TNKS2: variants seen among roughly 807,000 people sequenced by gnomAD.
TNKS2 encodes tankyrase 2, also known as poly [ADP-ribose] polymerase tankyrase-2.
In TNKS2, 72 loss-of-function variants were observed where a neutral mutation model predicts 137.6. The ratio of observed to expected loss-of-function variants is 0.52; its 90% confidence interval spans 0.43 to 0.64. The LOEUF (loss-of-function observed/expected upper bound fraction) is 0.64, where lower values mean the gene tolerates loss of function less well. Ranked by LOEUF, TNKS2 falls within the 30% of genes least tolerant of loss-of-function variation. The pLI is 0.00. For missense variants in TNKS2, 1,049 were observed against 1,410.2 expected (o/e 0.74, Z 4.10); for synonymous variants, 516 against 512.1 (o/e 1.01, Z -0.10).
At chr10:91,808,354 T>A (rs1844396804) in intron 1 of TNKS2, among the ~76,000 whole-genome samples, 1 of 151,850 alleles carries the variant, frequency 6.6e-6, no homozygotes, top group South Asian at 2.1e-4. Context: ...ATATTATAGT[T>A]GGGAAAGGGA....
At chr10:91,841,685 T>C (rs1589680802) in intron 15 of TNKS2, among the ~76,000 whole-genome samples, 1 of 152,106 alleles carries the variant, frequency 6.6e-6, no homozygotes, top group East Asian at 1.9e-4. Context: ...AGTTCTCTTA[T>C]TATTTTTAGT....
intron 1 of TNKS2, among the ~76,000 whole-genome samples, chr10:91,806,226 T>G (rs1458535664): frequency 6.6e-6 from 1 of 152,172 alleles, no homozygotes; most frequent in African/African-American, 2.4e-5. Context: ...AACATTACAT[T>G]TAGGTGGTGA....
At chr10:91,810,152 G>A (rs1844450704) in intron 1 of TNKS2, among the ~76,000 whole-genome samples, 1 of 152,028 alleles carries the variant, frequency 6.6e-6, no homozygotes, top group African/African-American at 2.4e-5. Context: ...GGAGGCTGAG[G>A]ATTACTTGAG....
At position 91,817,161 on chromosome 10, in the gene TNKS2, C is replaced by T. The variant is rs774223942; in HGVS notation, c.452C>T (p.Thr151Ile). 1.5e-5 allele frequency: 24 copies of T among 1,613,692 alleles called. No homozygotes were observed. Among genetic ancestry groups the T allele is most frequent in the East Asian group, 2.2e-5 (1 of 44,870 alleles). The change falls in exon 3 of 27, where the codon ACC becomes ATC. Residue 151 changes from threonine to isoleucine, a missense_variant. Coordinates refer to ENST00000371627, the MANE Select transcript of TNKS2 (RefSeq NM_025235.4). Reference sequence around the variant, plus strand: ...CTGTTACAGCATGGAGCTGAGCCAACCATCCGAAATACAGATGGAAGGACA... The same window carrying T: ...CTGTTACAGCATGGAGCTGAGCCAATCATCCGAAATACAGATGGAAGGACA... The part of the protein sequence containing the change: ...IVLLQHGAEP[T>I]IRNTDGRTAL...
chr10:91,858,020 CTTA>C (rs1438608560), intron 24 of TNKS2, among the ~76,000 whole-genome samples: 1 of 152,178 alleles, frequency 6.6e-6, no homozygotes, highest in Non-Finnish European at 1.5e-5. Flanking sequence ...AGCACAATTA[CTTA>C]TTCTTCTTGG....
intron 7 of TNKS2, among the ~76,000 whole-genome samples, chr10:91,826,651 T>G (rs974641385): frequency 5.3e-5 from 8 of 152,192 alleles, no homozygotes; most frequent in African/African-American, 1.4e-4. Flanking sequence ...TGTATCTTGA[T>G]TTGGGTGATG....
Position 91,813,141 on chromosome 10 carries a change from C to T in TNKS2, c.358C>T (p.Arg120Ter), listed in dbSNP as rs1392893073. 1 of 1,613,890 alleles carries T rather than the reference C, an allele frequency of 6.2e-7. No homozygotes were observed. Among genetic ancestry groups the T allele is most frequent in the Admixed American group, 1.7e-5 (1 of 59,992 alleles). ...LLRHGADPNA[R>*]DNWNYTPLHE... ...GCGACATGGTGCAGACCCCAATGCTCGAGATAATTGGAATTATACTCCTCT... is the reference window on the plus strand; with the variant it reads ...GCGACATGGTGCAGACCCCAATGCTTGAGATAATTGGAATTATACTCCTCT... The change falls in exon 2 of 27, where the codon CGA becomes TGA. Residue 120 changes from arginine (R) to a stop codon, truncating the protein, a stop_gained. Coordinates refer to ENST00000371627, the MANE Select transcript of TNKS2 (RefSeq NM_025235.4). LOFTEE classifies it high-confidence loss of function.
At chr10:91,824,744 C>T (rs757036209) in intron 7 of TNKS2, among the ~76,000 whole-genome samples, 3 of 152,106 alleles carry the variant, frequency 2.0e-5, no homozygotes, top group Non-Finnish European at 4.4e-5. Context: ...AATCAAGGCT[C>T]AAAACCATCT....
At chr10:91,817,609 C>G (rs940423401) in intron 3 of TNKS2, among the ~76,000 whole-genome samples, 4 of 151,968 alleles carry the variant, frequency 2.6e-5, no homozygotes, top group African/African-American at 9.7e-5. Flanking sequence ...TGGTCTTAAG[C>G]ATTTCAGATA....
chr10:91,842,629 G>T (rs556725441), intron 16 of TNKS2, among the ~76,000 whole-genome samples: 3 of 152,178 alleles, frequency 2.0e-5, no homozygotes, highest in South Asian at 4.2e-4. Flanking sequence ...ACAAAAATTA[G>T]CCAGGAGTGG....
chr10:91,802,335 G>A (rs1489568592), intron 1 of TNKS2, among the ~76,000 whole-genome samples: 1 of 152,210 alleles, frequency 6.6e-6, no homozygotes, highest in Non-Finnish European at 1.5e-5. Flanking sequence ...ACTATACCAT[G>A]TTATCGTCTT....
chr10:91,799,716 T>G (rs1311367300), intron 1 of TNKS2, among the ~76,000 whole-genome samples: 1 of 152,236 alleles, frequency 6.6e-6, no homozygotes, highest in Non-Finnish European at 1.5e-5. Flanking sequence ...AGATGGGATA[T>G]TCAGCTTATT....
chr10:91,815,454 T>C (rs1340428602), intron 2 of TNKS2, among the ~76,000 whole-genome samples: 1 of 147,680 alleles, frequency 6.8e-6, no homozygotes, highest in East Asian at 2.0e-4. Context: ...CTTAGACATA[T>C]AATTAATTAG....
chr10:91,851,296 A>G lies in TNKS2; in HGVS notation c.2775A>G (p.Lys925=), dbSNP rs1842531454. Residue 925 remains lysine (K), a synonymous_variant, in exon 21 of 27, where the codon AAA becomes AAG. Coordinates refer to ENST00000371627, the MANE Select transcript of TNKS2 (RefSeq NM_025235.4). The part of the protein sequence containing the change: ...IGINAYGHRH[K]LIKGVERLIS... ...TCAATGCTTATGGACATAGGCACAA[A>G]CTAATTAAAGGAGTCGAGAGACTTA... The G allele has an allele frequency of 1.2e-6, 2 of 1,608,624 alleles. No individual in the cohort carries two copies. The highest frequency in any genetic ancestry group is 1.1e-5 in the South Asian group (1 of 89,292).
In TNKS2 at chr10:91,855,188, T is replaced by C. The variant is rs141437402; in HGVS notation, c.2913+62T>C. ...TATATTTAGTTCACTTTGTATCCTCTTGTTTCTTTTTCTTCCTTTAGTTTG... is the reference window on the plus strand; with the variant it reads ...TATATTTAGTTCACTTTGTATCCTCCTGTTTCTTTTTCTTCCTTTAGTTTG... On this transcript the variant is annotated intron_variant, in intron 22 of 26. Coordinates refer to ENST00000371627, the MANE Select transcript of TNKS2 (RefSeq NM_025235.4). 5.2e-4 allele frequency: 542 copies of C among 1,032,998 alleles called. 4 individuals carry two copies. In the East Asian group the frequency reaches 0.012, roughly 23 times the overall value. The allele number at this position is 1,032,998 out of a possible 1,614,324, so 64.0% of individuals were successfully genotyped here. A position where few individuals can be genotyped will look rare whatever the true frequency, so the allele number is the denominator to read the frequency against.
chr10:91,843,140 C>T (rs1180055810), intron 16 of TNKS2, among the ~76,000 whole-genome samples: 1 of 152,118 alleles, frequency 6.6e-6, no homozygotes, highest in Admixed American at 6.5e-5. Context: ...ATAAGCCTCT[C>T]ACCAAAGTTA....
At chr10:91,811,171 A>G (rs1589647816) in intron 1 of TNKS2, among the ~76,000 whole-genome samples, 1 of 149,374 alleles carries the variant, frequency 6.7e-6, no homozygotes, top group East Asian at 2.0e-4. Flanking sequence ...TGATCTGCCC[A>G]CCTGGGCCTC....
rs1437184839 is a variant in TNKS2 at position 91,842,355 on chromosome 10, A to T, written c.2023A>T (p.Thr675Ser). 6.2e-7 allele frequency: 1 copy of T among 1,614,020 alleles called. No individual in the cohort carries two copies. The highest frequency in any genetic ancestry group is 2.2e-5 in the East Asian group (1 of 44,894). Reference sequence around the variant, plus strand: ...TCCTGATAATGTAAATTGCCGCGATACCCAAGGCAGACATTCAACACCTTT... The same window carrying T: ...TCCTGATAATGTAAATTGCCGCGATTCCCAAGGCAGACATTCAACACCTTT... The part of the protein sequence containing the change: ...SSPDNVNCRD[T>S]QGRHSTPLHL... Residue 675 changes from threonine to serine, a missense_variant, in exon 16 of 27, where the codon ACC becomes TCC. Around this residue, in one of 6 missense-constraint regions of TNKS2, gnomAD observed 328 missense variants for 436.0 expected, o/e 0.75. Transcript: ENST00000371627.
chr10:91,821,292 A>G (rs1218548408), intron 6 of TNKS2, among the ~76,000 whole-genome samples: 2 of 151,628 alleles, frequency 1.3e-5, no homozygotes, highest in African/African-American at 4.9e-5. Context: ...TCGGCCTCCC[A>G]AAGTGCTCAG....
Sources: gnomAD v4.1 joint callset for allele counts (sites outside exome capture counted in the v4.1 genomes callset) on GRCh38, gnomAD v4.1.1 for gene constraint, gnomAD v4.1.1 regional missense constraint, MANE v1.5 for transcripts, NCBI Gene and HGNC (gene_info 2026-07-23, HGNC 2026-07-21) for gene names.